Variants in ROBO2 observed in about 807,000 individuals in gnomAD.
ROBO2 encodes the protein roundabout guidance receptor 2, also known as roundabout homolog 2.
ROBO2 carries 53 observed loss-of-function variants against 160.8 expected under a neutral mutation model. That is an observed-to-expected ratio of 0.33 (90% CI 0.26 to 0.41). The LOEUF is 0.41. Among genes scored for constraint, ROBO2 ranks in the 10% least tolerant of loss-of-function variants. The probability of loss-of-function intolerance (pLI) is 1.00; values close to 1 mark genes in which losing one functional copy is unlikely to be tolerated. For missense variants in ROBO2, 1,577 were observed against 1,722.4 expected (o/e 0.92, Z 1.49); for synonymous variants, 664 against 611.7 (o/e 1.09, Z -1.26).
At chr3:76,962,883 G>A (rs2079777262) in intron 2 of ROBO2, among the ~76,000 whole-genome samples, 1 of 152,126 alleles carries the variant, frequency 6.6e-6, no homozygotes, top group Non-Finnish European at 1.5e-5. Flanking sequence ...TCTGACTTCT[G>A]CAAGGTTCAA....
intron 2 of ROBO2, among the ~76,000 whole-genome samples, chr3:76,687,061 TATC>T (rs1312769863): frequency 7.2e-5 from 11 of 152,098 alleles, no homozygotes; most frequent in African/African-American, 2.4e-4. Flanking sequence ...ATCTATTATT[TATC>T]ATGCACGTAT....
intron 2 of ROBO2, among the ~76,000 whole-genome samples, chr3:76,688,757 A>T (rs1326650498): frequency 6.6e-6 from 1 of 151,984 alleles, no homozygotes; most frequent in African/African-American, 2.4e-5. Flanking sequence ...TTTCTCATTG[A>T]TTATTTAAAA....
At chr3:77,174,648 T>A (rs2079960218) in intron 2 of ROBO2, among the ~76,000 whole-genome samples, 1 of 152,088 alleles carries the variant, frequency 6.6e-6, no homozygotes, top group Non-Finnish European at 1.5e-5. Flanking sequence ...CTATTTCTGT[T>A]CTGATACTCA....
At chr3:76,274,977 G>T (rs958705121) in intron 2 of ROBO2, among the ~76,000 whole-genome samples, 36 of 152,018 alleles carry the variant, frequency 2.4e-4, no homozygotes, top group African/African-American at 8.0e-4. Flanking sequence ...ATTGTAACTT[G>T]TAAAGAAATT....
intron 2 of ROBO2, among the ~76,000 whole-genome samples, chr3:77,277,035 G>A (rs80066382): frequency 0.02 from 3,008 of 151,938 alleles, 35 homozygotes; most frequent in Middle Eastern, 0.031. Context: ...ATATGGGTGC[G>A]GACACAGTCA....
intron 2 of ROBO2, among the ~76,000 whole-genome samples, chr3:76,037,789 A>G (rs973432716): frequency 2.6e-5 from 4 of 152,212 alleles, no homozygotes; most frequent in African/African-American, 4.8e-5. Context: ...GAGTGATATT[A>G]TAGAACAAAA....
At chr3:76,954,680 TAA>T (rs1157200704) in intron 2 of ROBO2, among the ~76,000 whole-genome samples, 1 of 152,116 alleles carries the variant, frequency 6.6e-6, no homozygotes, top group African/African-American at 2.4e-5. Context: ...TCTAAAAAAA[TAA>T]AGTTTCCCAT....
intron 2 of ROBO2, among the ~76,000 whole-genome samples, chr3:76,607,012 T>TA (rs1192953736): frequency 6.6e-6 from 1 of 152,208 alleles, no homozygotes; most frequent in Non-Finnish European, 1.5e-5. Context: ...AATGATAATT[T>TA]AGAATTTGCT....
intron 2 of ROBO2, among the ~76,000 whole-genome samples, chr3:77,357,667 A>G (rs895162540): frequency 6.6e-6 from 1 of 152,196 alleles, no homozygotes; most frequent in East Asian, 1.9e-4. Flanking sequence ...GATTTTAACC[A>G]AAGCCTTCTG....
At chr3:76,918,620 G>GT (rs1160685442) in intron 2 of ROBO2, among the ~76,000 whole-genome samples, 2 of 152,048 alleles carry the variant, frequency 1.3e-5, no homozygotes, top group Admixed American at 6.6e-5. Flanking sequence ...TTGATCATGA[G>GT]TTTTTTTGGT....
chr3:76,085,108 T>C (rs1576793718), intron 2 of ROBO2, among the ~76,000 whole-genome samples: 2 of 129,196 alleles, frequency 1.5e-5, no homozygotes, highest in East Asian at 2.1e-4. Context: ...TTTACATATA[T>C]ATATATATAC....
chr3:76,351,279 TA>T (rs936236739), intron 2 of ROBO2, among the ~76,000 whole-genome samples: 4 of 151,920 alleles, frequency 2.6e-5, no homozygotes, highest in African/African-American at 4.8e-5. Flanking sequence ...AGCACAATAC[TA>T]ATAGCAACAG....
Position 76,831,118 on chromosome 3 carries a change from T to A in ROBO2, c.110-266896T>A, listed in dbSNP as rs1015833921. On this transcript the variant is annotated intron_variant, in intron 2 of 26. Transcript: ENST00000487694. ...AGTTTGCTAGGTCTTCTTCAATGAA[T>A]TTTTGAGTCCAATTACCACAGGCTA... is the stretch of plus-strand genomic sequence containing the variant. Among the ~76,000 whole-genome samples the A allele has an allele frequency of 3.3e-5, 5 of 152,202 alleles. No individual in the cohort carries two copies. In the East Asian group the frequency reaches 9.6e-4, roughly 29 times the overall value.
intron 2 of ROBO2, among the ~76,000 whole-genome samples, chr3:76,820,355 G>A (rs566059470): frequency 1.3e-5 from 2 of 152,000 alleles, no homozygotes; most frequent in East Asian, 3.9e-4. Flanking sequence ...GAATCAATAT[G>A]AAAAATTTTT....
chr3:77,035,990 G>C (rs2063610898), upstream of ROBO2, among the ~76,000 whole-genome samples: 1 of 151,858 alleles, frequency 6.6e-6, no homozygotes, highest in Non-Finnish European at 1.5e-5. Context: ...ACATATTTCT[G>C]TATATTTTGG....
chr3:76,977,598 C>T (rs890954423), intron 2 of ROBO2, among the ~76,000 whole-genome samples: 9 of 152,152 alleles, frequency 5.9e-5, no homozygotes, highest in African/African-American at 2.2e-4. Flanking sequence ...CTTTGGTTCA[C>T]TGCAGAAGTC....
intron 2 of ROBO2, among the ~76,000 whole-genome samples, chr3:76,175,268 T>C (rs916227397): frequency 2.0e-5 from 3 of 151,958 alleles, no homozygotes; most frequent in Non-Finnish European, 4.4e-5. Context: ...GGGGCTGAGA[T>C]GATAGGGTTT....
At chr3:76,837,521 T>A (rs1022914260) in intron 2 of ROBO2, among the ~76,000 whole-genome samples, 3 of 148,998 alleles carry the variant, frequency 2.0e-5, no homozygotes, top group Non-Finnish European at 4.5e-5. Flanking sequence ...TTTTTATGTT[T>A]AAAAAAAAAA....
chr3:77,397,888 T>C (rs2075427282), intron 2 of ROBO2, among the ~76,000 whole-genome samples: 1 of 152,054 alleles, frequency 6.6e-6, no homozygotes, highest in African/African-American at 2.4e-5. Context: ...TATTAGTAAT[T>C]GATGCTACTT....
Sources: allele counts gnomAD v4.1 joint callset (sites outside exome capture counted in the v4.1 genomes callset), GRCh38; gene constraint gnomAD v4.1.1; transcripts MANE v1.5; gene names NCBI Gene and HGNC (gene_info 2026-07-23, HGNC 2026-07-21).